The following BAZ2A variants were observed in gnomAD, a reference collection of about 807,000 sequenced individuals.
BAZ2A encodes bromodomain adjacent to zinc finger domain 2A.
Under a neutral mutation model 199.9 loss-of-function variants are expected in BAZ2A, and 34 were observed. That is an observed-to-expected ratio of 0.17 (90% confidence interval 0.13 to 0.23). The LOEUF is 0.23. Ranked by LOEUF, BAZ2A falls within the 10% of genes least tolerant of loss-of-function variation. BAZ2A has a pLI of 1.00. For synonymous variants in BAZ2A, 857 were observed against 883.9 expected, an observed-to-expected ratio of 0.97 and a Z score of 0.54; for missense variants, 2,002 against 2,391.1, an observed-to-expected ratio of 0.84 and a Z score of 3.39.
chr12:56,630,113 G>T lies in BAZ2A; in HGVS notation c.-3+12C>A. On this transcript the variant is annotated intron_variant, in intron 1 of 28. Transcript: ENST00000549884. ...CCTCCCCCTCAGGCCCCTGGCCACA[G>T]ACCCCACAAACCTGAGGCAGCGGCG... The T allele has an allele frequency of 1.0e-6, 1 of 982,302 alleles. No individual in the cohort carries two copies. The highest frequency in any genetic ancestry group is 1.2e-6 in the Non-Finnish European group (1 of 827,030). 60.8% of individuals were successfully genotyped at this position (982,302 alleles called of 1,614,324 possible).
chr12:56,625,113 G>C (rs1407022564), intron 1 of BAZ2A, among the ~76,000 whole-genome samples: 1 of 151,098 alleles, frequency 6.6e-6, no homozygotes, highest in Non-Finnish European at 1.5e-5. Context: ...GTTATATTAA[G>C]GTAATTTCCC....
At position 56,601,710 on chromosome 12, in the gene BAZ2A, G is replaced by A; in HGVS notation, c.3907C>T (p.Pro1303Ser). The A allele has an allele frequency of 6.2e-7, 1 of 1,613,944 alleles. No homozygotes were observed. Among genetic ancestry groups the A allele is most frequent in the Non-Finnish European group, 8.5e-7 (1 of 1,179,882 alleles). ...GCCTCATCAGGCTCTGGCTCCTCCG[G>A]GGGTTGTGATGGAGCTGGGTCTAGT... ...GKLDPAPSQP[P>S]EEPEPDEAES... Residue 1303 changes from proline (P) to serine (S), a missense_variant, in exon 20 of 29, where the codon CCG becomes TCG. By Grantham distance (74) the Pro-to-Ser change is moderately conservative. Transcript: ENST00000549884.
At chr12:56,627,890 AAGAAG>A (rs947984030) in intron 1 of BAZ2A, among the ~76,000 whole-genome samples, 6 of 150,692 alleles carry the variant, frequency 4.0e-5, no homozygotes, top group Non-Finnish European at 8.9e-5. Flanking sequence ...AAAAAAAGAA[AAGAAG>A]AGAAGACCAG....
intron 17 of BAZ2A, 46 bp downstream of exon 17, chr12:56,603,474 G>A (rs747669243): frequency 1.2e-6 from 2 of 1,613,750 alleles, no homozygotes; most frequent in South Asian, 1.1e-5. Context: ...TCAAGAAAGA[G>A]GAATTTATTT....
At chr12:56,605,009 G>A in intron 14 of BAZ2A, 64 bp downstream of exon 14, 7 of 1,510,020 alleles carry the variant, frequency 4.6e-6, no homozygotes, top group South Asian at 4.1e-5. Flanking sequence ...AAGGAAAAGA[G>A]AAACACTAAG....
At chr12:56,612,885 G>C in intron 5 of BAZ2A, 130 bp downstream of exon 5, 1 of 1,051,314 alleles carries the variant, frequency 9.5e-7, no homozygotes, top group Non-Finnish European at 1.4e-6. Flanking sequence ...GCCTCCCGAA[G>C]TGCTGAGATT....
intron 7 of BAZ2A, chr12:56,611,244 CTAT>C (rs1368299239): frequency 2.6e-5 from 11 of 426,456 alleles, no homozygotes; most frequent in Admixed American, 4.2e-5. Flanking sequence ...TCATTCATTA[CTAT>C]CCCTTGTCCA....
At position 56,605,822 on chromosome 12, in the gene BAZ2A, C is replaced by T; in HGVS notation, c.2493+8G>A. On this transcript the variant is annotated splice_region_variant and intron_variant, in intron 13 of 28. Transcript: ENST00000549884. Reference sequence around the variant, plus strand: ...CTGACCCAGGAACTGTTACTCTCTCCTCACTACCTGGTGGTCAGTCAGACA... The same window carrying T: ...CTGACCCAGGAACTGTTACTCTCTCTTCACTACCTGGTGGTCAGTCAGACA... 4 of 1,606,226 alleles carry T rather than the reference C, an allele frequency of 2.5e-6. No homozygotes were observed. Among genetic ancestry groups the T allele is most frequent in the Non-Finnish European group, 3.4e-6 (4 of 1,176,244 alleles).
intron 12 of BAZ2A, 40 bp from the exon 13 acceptor site, chr12:56,606,103 A>G (rs760449152): frequency 6.5e-7 from 1 of 1,549,528 alleles, no homozygotes; most frequent in Non-Finnish European, 8.7e-7. Flanking sequence ...CCATAAAGAT[A>G]TCAGTCACTA....
intron 1 of BAZ2A, among the ~76,000 whole-genome samples, chr12:56,627,315 A>C (rs1390473347): frequency 1.3e-5 from 2 of 151,844 alleles, no homozygotes; most frequent in East Asian, 3.9e-4. Context: ...AAAAATACAA[A>C]AATTAGCCAG....
At chr12:56,620,259 G>A (rs76850792) in intron 1 of BAZ2A, among the ~76,000 whole-genome samples, 171 of 152,092 alleles carry the variant, frequency 1.1e-3, no homozygotes, top group Non-Finnish European at 1.7e-3. Flanking sequence ...TGTCCTGGGT[G>A]GGCTGGACAA....
At chr12:56,602,975 T>A (rs1244853717) in intron 18 of BAZ2A, 118 bp from the exon 19 acceptor site, 1 of 1,214,054 alleles carries the variant, frequency 8.2e-7, no homozygotes, top group East Asian at 2.6e-5. Flanking sequence ...AGTGATGCCA[T>A]CTGGGCCTAA....
intron 10 of BAZ2A, among the ~76,000 whole-genome samples, chr12:56,608,138 C>T (rs1407253941): frequency 6.7e-5 from 10 of 149,900 alleles, no homozygotes; most frequent in Admixed American, 6.0e-4. Flanking sequence ...TTTGAGAGGT[C>T]GAGGTGGGCG....
chr12:56,636,471 A>C (rs1480608711), upstream of BAZ2A: 2 of 982,618 alleles, frequency 2.0e-6, no homozygotes, highest in Non-Finnish European at 2.7e-6. Context: ...AATATGGAGG[A>C]AGGTTAGAGA....
In BAZ2A at chr12:56,603,371, T is replaced by C. The variant is rs556736439; in HGVS notation, c.3267A>G (p.Glu1089=). ...SSIPELERQI[E]KLSKRQLFFR... is the part of the protein sequence containing the mutation. ...AGAAGCACAATACCTTGCTGAGTTT[T>C]TCTATCTGGCGCTCTAGCTCTGGGA... is the stretch of plus-strand genomic sequence containing the variant. Residue 1089 remains glutamate (E), a synonymous_variant, in exon 18 of 29, where the codon GAA becomes GAG. Coordinates refer to ENST00000549884, the MANE Select transcript of BAZ2A (RefSeq NM_001300905.2). The C allele has an allele frequency of 4.3e-6, 7 of 1,614,014 alleles. No homozygotes were observed. The highest frequency in any genetic ancestry group is 1.6e-4 in the Middle Eastern group (1 of 6,062).
intron 1 of BAZ2A, among the ~76,000 whole-genome samples, chr12:56,619,998 C>T (rs1450597252): frequency 2.6e-5 from 4 of 152,076 alleles, no homozygotes; most frequent in Admixed American, 2.0e-4. Flanking sequence ...AAGCAATGTG[C>T]ATTTGTTGAT....
In BAZ2A at chr12:56,610,142, T is replaced by A. The variant is rs761991354; in HGVS notation, c.1853A>T (p.Asp618Val). 4 of 1,613,592 alleles carry A rather than the reference T, an allele frequency of 2.5e-6. No individual in the cohort carries two copies. Among genetic ancestry groups the A allele is most frequent in the Non-Finnish European group, 3.4e-6 (4 of 1,179,806 alleles). Residue 618 changes from aspartate (D) to valine (V), a missense_variant, in exon 9 of 29, where the codon GAT (aspartate) becomes GTT (valine). By Grantham distance (152) the Asp-to-Val change is radical. Coordinates refer to ENST00000549884, the MANE Select transcript of BAZ2A (RefSeq NM_001300905.2). Reference sequence around the variant, plus strand: ...TGGCGTGTCTCTTTCTTCAAAGAAATCTCCAACAGGCATACGGGGACTGAA... The same window carrying A: ...TGGCGTGTCTCTTTCTTCAAAGAAAACTCCAACAGGCATACGGGGACTGAA... ...FSFSPRMPVG[D>V]FFEERDTPEG...
chr12:56,599,975 C>T lies in BAZ2A; in HGVS notation c.5014G>A (p.Val1672Ile), dbSNP rs375385316. ...LERSIAWEKSVNKVTCLVCRK... is the reference protein window; with the variant it reads ...LERSIAWEKSINKVTCLVCRK... ...TCTCAGCCTCTTACCACTTTGTTGACAGACTTCTCCCAGGCAATGGACCTC... is the reference window on the plus strand; with the variant it reads ...TCTCAGCCTCTTACCACTTTGTTGATAGACTTCTCCCAGGCAATGGACCTC... The change falls in exon 25 of 29, where the codon GTC (valine) becomes ATC (isoleucine). Residue 1672 changes from valine (V) to isoleucine (I), a missense_variant. Val to Ile is a conservative substitution (Grantham distance 29). Transcript: ENST00000549884. 6.2e-6 allele frequency: 10 copies of T among 1,613,890 alleles called. No homozygotes were observed. The East Asian group carries it at 2.0e-4, about 32-fold the overall frequency.
upstream of BAZ2A, chr12:56,630,424 CGACCCGGACCTGG>C (rs1287086830): frequency 2.8e-6 from 1 of 361,052 alleles, no homozygotes; most frequent in Non-Finnish European, 3.9e-6. Context: ...CCCATCTTTC[CGACCCGGACCTGG>C]GTCCTAGCGC....
Sources: gnomAD v4.1 joint callset for allele counts (sites outside exome capture counted in the v4.1 genomes callset) on GRCh38, gnomAD v4.1.1 for gene constraint, MANE v1.5 for transcripts, NCBI Gene and HGNC (gene_info 2026-07-23, HGNC 2026-07-21) for gene names.